FGGY: variants seen among roughly 807,000 people sequenced by gnomAD.
The protein encoded by FGGY is FGGY carbohydrate kinase domain-containing protein.
A neutral mutation model predicts 71.3 loss-of-function variants in FGGY; 72 were observed. That is an observed-to-expected ratio of 1.01 (90% CI 0.84 to 1.23). The LOEUF (loss-of-function observed/expected upper bound fraction) is 1.23, where lower values mean the gene tolerates loss of function less well. FGGY is among the 50% of genes most tolerant of loss of function. The pLI is 0.00. For missense variants in FGGY, 668 were observed against 682.3 expected (o/e 0.98, Z 0.23); for synonymous variants, 251 against 250.3 (o/e 1.00, Z -0.02).
chr1:59,674,466 G>T (rs1163389546), intron 14 of FGGY, among the ~76,000 whole-genome samples: 1 of 152,018 alleles, frequency 6.6e-6, no homozygotes, highest in Non-Finnish European at 1.5e-5. Context: ...AGTGTTTCAT[G>T]TGTATTTCAG....
At position 59,762,566 on chromosome 1, in the gene FGGY, G is replaced by T. The variant is rs137970847; in HGVS notation, c.1638G>T (p.Ala546=). ...KLVEHQKEYL[A]IMNDD ...TTGAACACCAGAAGGAGTATTTGGC[G>T]ATCATGAATGATGACTGAACAGGGC... Residue 546 remains alanine, a synonymous_variant, in exon 16 of 16, where the codon GCG becomes GCT. Transcript: ENST00000303721. 2 of 1,613,718 alleles carry T rather than the reference G, an allele frequency of 1.2e-6. No homozygotes were observed. Among genetic ancestry groups the T allele is most frequent in the Non-Finnish European group, 1.7e-6 (2 of 1,179,756 alleles).
chr1:59,708,560 A>T (rs1477718176), intron 14 of FGGY, among the ~76,000 whole-genome samples: 1 of 152,230 alleles, frequency 6.6e-6, no homozygotes, highest in Non-Finnish European at 1.5e-5. Flanking sequence ...CACCTGATAC[A>T]TGCTGAACTC....
chr1:59,475,728 C>T (rs1416100319), intron 6 of FGGY, among the ~76,000 whole-genome samples: 1 of 152,170 alleles, frequency 6.6e-6, no homozygotes, highest in Non-Finnish European at 1.5e-5. Context: ...GCATTCCTGC[C>T]CCTCTTCACT....
At chr1:59,697,564 G>C in intron 14 of FGGY, 1 of 694,484 alleles carries the variant, frequency 1.4e-6, no homozygotes, top group South Asian at 1.5e-5. Context: ...ATGCAACATA[G>C]CTTGTTCTCT....
chr1:59,496,095 T>C (rs913108040), intron 6 of FGGY, among the ~76,000 whole-genome samples: 3 of 152,252 alleles, frequency 2.0e-5, no homozygotes, highest in African/African-American at 7.2e-5. Context: ...TTTAATAATA[T>C]TGATTCCTCC....
chr1:59,435,242 T>G (rs958653080), intron 5 of FGGY, among the ~76,000 whole-genome samples: 2 of 152,182 alleles, frequency 1.3e-5, no homozygotes, highest in Non-Finnish European at 1.5e-5. Context: ...AGGTTGATAT[T>G]TTGCCAGAGG....
intron 5 of FGGY, among the ~76,000 whole-genome samples, chr1:59,386,050 T>G (rs780809213): frequency 2.0e-5 from 3 of 152,142 alleles, no homozygotes; most frequent in Admixed American, 1.3e-4. Flanking sequence ...TATAGAAAAA[T>G]TGTGAAGACG....
intron 14 of FGGY, among the ~76,000 whole-genome samples, chr1:59,710,079 G>A (rs985899880): frequency 2.8e-4 from 43 of 152,220 alleles, no homozygotes; most frequent in African/African-American, 1.0e-3. Flanking sequence ...CAGATGTGTG[G>A]TCAGCAGTGG....
chr1:59,585,038 G>T (rs2096260576), intron 8 of FGGY, among the ~76,000 whole-genome samples: 1 of 152,144 alleles, frequency 6.6e-6, no homozygotes, highest in South Asian at 2.1e-4. Flanking sequence ...ATAAATGGAA[G>T]AACATTCCAT....
chr1:59,534,124 A>G (rs1209214184), intron 7 of FGGY, among the ~76,000 whole-genome samples: 1 of 152,220 alleles, frequency 6.6e-6, no homozygotes, highest in Non-Finnish European at 1.5e-5. Context: ...ACCAATACAG[A>G]GAAGTGCTTA....
At chr1:59,392,782 G>A (rs1427822330) in intron 5 of FGGY, among the ~76,000 whole-genome samples, 3 of 151,498 alleles carry the variant, frequency 2.0e-5, no homozygotes, top group African/African-American at 7.3e-5. Context: ...ATTATCAAGG[G>A]CCTTTGAAGA....
intron 7 of FGGY, among the ~76,000 whole-genome samples, chr1:59,517,119 G>A (rs2094678427): frequency 6.6e-6 from 1 of 152,084 alleles, no homozygotes; most frequent in African/African-American, 2.4e-5. Flanking sequence ...CAGGGCTCCT[G>A]CTGCTGATAT....
chr1:59,381,932 G>A (rs971495663), intron 5 of FGGY, among the ~76,000 whole-genome samples: 15 of 152,274 alleles, frequency 9.9e-5, no homozygotes, highest in African/African-American at 2.9e-4. Flanking sequence ...CAGAGTGAGT[G>A]TATGTGTGGG....
At chr1:59,595,354 G>A (rs140637410) in intron 8 of FGGY, among the ~76,000 whole-genome samples, 147 of 152,100 alleles carry the variant, frequency 9.7e-4, no homozygotes, top group African/African-American at 3.4e-3. Flanking sequence ...AATTATAATT[G>A]GCACAGGTTG....
intron 5 of FGGY, among the ~76,000 whole-genome samples, chr1:59,443,764 G>T (rs1168717108): frequency 6.6e-6 from 1 of 152,208 alleles, no homozygotes; most frequent in Non-Finnish European, 1.5e-5. Context: ...GAGTCAGACT[G>T]AGATAGGTAT....
intron 1 of FGGY, chr1:59,310,126 A>ATTGT (rs2044043735): frequency 6.6e-6 from 1 of 152,082 alleles, no homozygotes; most frequent in African/African-American, 2.4e-5. Context: ...TTTATCTGAT[A>ATTGT]TTGTCCTCAG....
At chr1:59,526,118 G>A (rs1488275730) in intron 7 of FGGY, among the ~76,000 whole-genome samples, 3 of 152,156 alleles carry the variant, frequency 2.0e-5, no homozygotes, top group Non-Finnish European at 4.4e-5. Context: ...ATATTCTAAT[G>A]TTCATGAGTG....
intron 9 of FGGY, among the ~76,000 whole-genome samples, chr1:59,621,679 G>A (rs1432428204): frequency 6.6e-6 from 1 of 151,578 alleles, no homozygotes; most frequent in Non-Finnish European, 1.5e-5. Flanking sequence ...TTTCTTATAA[G>A]AAGTCAACCA....
intron 8 of FGGY, among the ~76,000 whole-genome samples, chr1:59,589,403 C>G (rs2096381196): frequency 6.6e-6 from 1 of 151,934 alleles, no homozygotes. Flanking sequence ...ACAAGGATAC[C>G]CAGGAATTGA....
Sources: allele counts gnomAD v4.1 joint callset (sites outside exome capture counted in the v4.1 genomes callset), GRCh38; gene constraint gnomAD v4.1.1; transcripts MANE v1.5; gene names NCBI Gene and HGNC (gene_info 2026-07-23, HGNC 2026-07-21).